Variants in TACR1 observed in about 807,000 individuals in gnomAD.
The protein encoded by TACR1 is substance-P receptor.
TACR1 carries 25 observed loss-of-function variants against 35.8 expected under a neutral mutation model. That is an observed-to-expected ratio of 0.70 (90% CI 0.51 to 0.98). TACR1 has a LOEUF of 0.98. TACR1 is among the 50% of genes least tolerant of loss of function. The pLI is 0.00. For synonymous variants in TACR1, 195 were observed against 206.7 expected (o/e 0.94, Z 0.48); for missense variants, 478 against 522.9 (o/e 0.91, Z 0.84).
intron 2 of TACR1, among the ~76,000 whole-genome samples, chr2:75,088,427 T>C (rs1673229829): frequency 6.6e-6 from 1 of 152,244 alleles, no homozygotes; most frequent in African/African-American, 2.4e-5. Context: ...TTATCACAGC[T>C]AATGATATAT....
chr2:75,174,235 A>T (rs1675359643), intron 1 of TACR1, among the ~76,000 whole-genome samples: 1 of 152,236 alleles, frequency 6.6e-6, no homozygotes, highest in African/African-American at 2.4e-5. Context: ...TTTTCTACTG[A>T]AAGCACTTGC....
intron 1 of TACR1, among the ~76,000 whole-genome samples, chr2:75,160,906 T>C (rs1182482388): frequency 6.6e-6 from 1 of 151,434 alleles, no homozygotes; most frequent in African/African-American, 2.4e-5. Flanking sequence ...AAGGAAAGAA[T>C]TCTACCAGCC....
intron 2 of TACR1, among the ~76,000 whole-genome samples, chr2:75,086,320 T>G (rs1243287848): frequency 1.3e-5 from 2 of 152,254 alleles, no homozygotes; most frequent in Non-Finnish European, 1.5e-5. Context: ...AGATTTTATA[T>G]TCTAGTCCAT....
chr2:75,051,489 C>A, intron 3 of TACR1, 42 bp from the exon 4 acceptor site: 1 of 1,608,858 alleles, frequency 6.2e-7, no homozygotes. Context: ...AGCACATCCC[C>A]CTCTCTCACG....
rs1005084598 is a variant in TACR1 at position 75,198,998 on chromosome 2, G to A, written c.-64C>T. On this transcript the variant is annotated 5_prime_UTR_variant, in exon 1 of 5. Coordinates refer to ENST00000305249, the MANE Select transcript of TACR1 (RefSeq NM_001058.4). ...ACCCCCCTCTGCAGCAGAGTCCTGT[G>A]GCTGGCGCCTGGGGCTCAGGGTCCT... 1 of 1,562,806 alleles carries A rather than the reference G, an allele frequency of 6.4e-7. No homozygotes were observed. Among genetic ancestry groups the A allele is most frequent in the Non-Finnish European group, 8.7e-7 (1 of 1,152,128 alleles).
intron 2 of TACR1, among the ~76,000 whole-genome samples, chr2:75,092,245 T>G (rs949992063): frequency 6.6e-6 from 1 of 152,118 alleles, no homozygotes; most frequent in South Asian, 2.1e-4. Flanking sequence ...TAAGCCTCAC[T>G]GGTTCCTACC....
chr2:75,104,189 C>T (rs1280480835), intron 2 of TACR1, among the ~76,000 whole-genome samples: 3 of 151,912 alleles, frequency 2.0e-5, no homozygotes, highest in Non-Finnish European at 4.4e-5. Flanking sequence ...TTTAAGGACA[C>T]ACAAAGACTG....
intron 1 of TACR1, among the ~76,000 whole-genome samples, chr2:75,197,185 G>A (rs1200803778): frequency 6.6e-6 from 1 of 152,156 alleles, no homozygotes; most frequent in Non-Finnish European, 1.5e-5. Context: ...AACATAGTAA[G>A]CACATAGGAG....
intron 1 of TACR1, among the ~76,000 whole-genome samples, chr2:75,136,750 G>T (rs1373685313): frequency 2.0e-5 from 3 of 152,156 alleles, no homozygotes; most frequent in Non-Finnish European, 4.4e-5. Flanking sequence ...TTAAGAAATT[G>T]TAATTGTTAT....
intron 1 of TACR1, among the ~76,000 whole-genome samples, chr2:75,150,095 C>G (rs1201016025): frequency 6.6e-6 from 1 of 152,146 alleles, no homozygotes; most frequent in Admixed American, 6.5e-5. Flanking sequence ...ATGAAGCTGA[C>G]TTGATAATGA....
At chr2:75,125,932 C>T (rs1572944753) in intron 1 of TACR1, among the ~76,000 whole-genome samples, 1 of 152,190 alleles carries the variant, frequency 6.6e-6, no homozygotes, top group South Asian at 2.1e-4. Flanking sequence ...TTTTTTATAG[C>T]TTTGATTTTA....
intron 2 of TACR1, among the ~76,000 whole-genome samples, chr2:75,101,589 T>A (rs1246862684): frequency 6.6e-6 from 1 of 152,182 alleles, no homozygotes; most frequent in East Asian, 1.9e-4. Flanking sequence ...TGACTCACAT[T>A]GGGCAAATCG....
In TACR1 at chr2:75,105,519, C is replaced by A. The variant is rs1439165476; in HGVS notation, c.584+15055G>T. ...CTTGAAAATTGCTAAGAGAGTAGAT[C>A]TTAAATGTTCTCACCATGAAAGAAA... On this transcript the variant is annotated intron_variant, in intron 2 of 4. Coordinates refer to ENST00000305249, the MANE Select transcript of TACR1 (RefSeq NM_001058.4). Among the ~76,000 whole-genome samples, 3 of 151,880 alleles carry A rather than the reference C, an allele frequency of 2.0e-5. No individual in the cohort carries two copies. The East Asian group carries it at 5.8e-4, about 29-fold the overall frequency.
At chr2:75,165,089 C>T (rs1425690665) in intron 1 of TACR1, among the ~76,000 whole-genome samples, 1 of 152,172 alleles carries the variant, frequency 6.6e-6, no homozygotes, top group Non-Finnish European at 1.5e-5. Context: ...TTACTATCTT[C>T]CCAAAGGGCT....
At chr2:75,094,575 G>A (rs552904149) in intron 2 of TACR1, among the ~76,000 whole-genome samples, 1 of 152,162 alleles carries the variant, frequency 6.6e-6, no homozygotes, top group East Asian at 1.9e-4. Context: ...GGTGCTTGTG[G>A]TGATAATGGC....
chr2:75,080,157 A>G (rs1419350523), intron 2 of TACR1, among the ~76,000 whole-genome samples: 1 of 152,168 alleles, frequency 6.6e-6, no homozygotes, highest in Non-Finnish European at 1.5e-5. Context: ...AGAACTTTCT[A>G]ATTAAGTTGG....
intron 1 of TACR1, among the ~76,000 whole-genome samples, chr2:75,142,582 G>C (rs985429553): frequency 6.6e-6 from 1 of 152,130 alleles, no homozygotes; most frequent in African/African-American, 2.4e-5. Flanking sequence ...TGAGTGCCAG[G>C]AACTGTGCAA....
intron 2 of TACR1, among the ~76,000 whole-genome samples, chr2:75,108,273 T>C (rs1673688906): frequency 6.6e-6 from 1 of 152,114 alleles, no homozygotes; most frequent in Non-Finnish European, 1.5e-5. Flanking sequence ...TCCTATGTAA[T>C]ATAACTAGTC....
chr2:75,061,642 G>A (rs3771806), intron 2 of TACR1, among the ~76,000 whole-genome samples: 37,520 of 152,066 alleles, frequency 0.25, 6,138 homozygotes, highest in African/African-American at 0.45. Flanking sequence ...TCCAGACATA[G>A]GCTCTGGGCA....
Sources: gnomAD v4.1 joint callset for allele counts (sites outside exome capture counted in the v4.1 genomes callset) on GRCh38, gnomAD v4.1.1 for gene constraint, MANE v1.5 for transcripts, NCBI Gene and HGNC (gene_info 2026-07-23, HGNC 2026-07-21) for gene names.